The following TMEM132D variants were observed in gnomAD, a reference collection of about 807,000 sequenced individuals.
TMEM132D encodes the protein mature OL transmembrane protein.
Under a neutral mutation model 62.3 loss-of-function variants are expected in TMEM132D, and 21 were observed. The observed-to-expected ratio is 0.34, with a 90% CI of 0.24 to 0.49. The LOEUF is 0.49. Ranked by LOEUF, TMEM132D falls within the 20% of genes least tolerant of loss-of-function variation. The pLI is 0.99. For synonymous variants in TMEM132D, 621 were observed against 575.6 expected, an observed-to-expected ratio of 1.08 and a Z score of -1.13; for missense variants, 1,346 against 1,402.8, an observed-to-expected ratio of 0.96 and a Z score of 0.65.
chr12:129,248,207 G>T lies in TMEM132D; in HGVS notation c.1300-38544C>A, dbSNP rs1469939977. Among the ~76,000 whole-genome samples, 5 of 152,258 alleles carry T rather than the reference G, an allele frequency of 3.3e-5. No individual in the cohort carries two copies. In the East Asian group the frequency reaches 9.6e-4, roughly 29 times the overall value. On this transcript the variant is annotated intron_variant, in intron 4 of 8. Coordinates refer to ENST00000422113, the MANE Select transcript of TMEM132D (RefSeq NM_133448.3). ...ACGTTTGCTGAAGAAAATAGCGTTT[G>T]TTCACTTAATGCTGAAACCGTGTCA...
intron 4 of TMEM132D, among the ~76,000 whole-genome samples, chr12:129,282,455 C>A (rs1041916845): frequency 2.0e-5 from 3 of 152,188 alleles, no homozygotes; most frequent in East Asian, 1.9e-4. Flanking sequence ...GTCCTCACAT[C>A]TGTAGATGGC....
intron 3 of TMEM132D, among the ~76,000 whole-genome samples, chr12:129,377,272 T>C (rs778764033): frequency 2.0e-5 from 3 of 152,112 alleles, no homozygotes; most frequent in Non-Finnish European, 4.4e-5. Context: ...GATTTTGGCC[T>C]TCCAGCCTCC....
At chr12:129,408,004 C>T (rs1315307708) in intron 3 of TMEM132D, among the ~76,000 whole-genome samples, 3 of 152,112 alleles carry the variant, frequency 2.0e-5, no homozygotes, top group African/African-American at 7.2e-5. Context: ...CCACCTCCTT[C>T]TTACCCTGGG....
chr12:129,493,662 C>T (rs985797860), intron 3 of TMEM132D, among the ~76,000 whole-genome samples: 1 of 152,154 alleles, frequency 6.6e-6, no homozygotes, highest in African/African-American at 2.4e-5. Flanking sequence ...ATGTGCTAGG[C>T]TCTATTCTAA....
At chr12:129,820,590 C>T (rs1334840239) in intron 1 of TMEM132D, among the ~76,000 whole-genome samples, 1 of 152,186 alleles carries the variant, frequency 6.6e-6, no homozygotes, top group Non-Finnish European at 1.5e-5. Context: ...CTTATGTTTT[C>T]ATGCCCAAAA....
At chr12:129,773,047 A>G (rs1219625702) in intron 1 of TMEM132D, among the ~76,000 whole-genome samples, 1 of 152,218 alleles carries the variant, frequency 6.6e-6, no homozygotes, top group East Asian at 1.9e-4. Flanking sequence ...TTGTTAGAAC[A>G]AACAAGGGGG....
At chr12:129,302,407 G>A (rs891882835) in intron 4 of TMEM132D, among the ~76,000 whole-genome samples, 3 of 152,228 alleles carry the variant, frequency 2.0e-5, no homozygotes, top group Non-Finnish European at 4.4e-5. Flanking sequence ...GAGCCACCAC[G>A]CCCGGCCTCT....
chr12:129,074,361 A>G lies in TMEM132D; in HGVS notation c.2814T>C (p.Cys938=), dbSNP rs2135602749. 1 of 1,614,096 alleles carries G rather than the reference A, an allele frequency of 6.2e-7. No homozygotes were observed. Among genetic ancestry groups the G allele is most frequent in the South Asian group, 1.1e-5 (1 of 91,066 alleles). Residue 938 remains cysteine, a synonymous_variant, in exon 9 of 9, where the codon TGT becomes TGC. Coordinates refer to ENST00000422113, the MANE Select transcript of TMEM132D (RefSeq NM_133448.3). The part of the protein sequence containing the change: ...CLAILVFLIN[C]VTFALKYRHK... ...GTCTGTATTTTAATGCAAAGGTCAC[A>G]CAGTTTATCAAGAAGACCAAAATGG... is the stretch of plus-strand genomic sequence containing the variant.
intron 2 of TMEM132D, among the ~76,000 whole-genome samples, chr12:129,537,169 A>AAAAAC (rs1162021090): frequency 2.0e-5 from 3 of 151,842 alleles, no homozygotes; most frequent in African/African-American, 7.3e-5. Flanking sequence ...AAAAAAAAAA[A>AAAAAC]AAAAATTCAT....
rs1019494998 is a variant in TMEM132D, at chr12:129,513,883, G to C, written c.1115+17176C>G. On this transcript the variant is annotated intron_variant, in intron 3 of 8. Transcript: ENST00000422113. ...GACGGAGTCTCGCTCTGTCGCCCAG[G>C]CTGGAGTGCAGTGGCACGATCTCGG... Among the ~76,000 whole-genome samples, 6 of 148,184 alleles carry C rather than the reference G, an allele frequency of 4.0e-5. No individual in the cohort carries two copies. In the East Asian group the frequency reaches 6.1e-4, roughly 15 times the overall value.
intron 1 of TMEM132D, among the ~76,000 whole-genome samples, chr12:129,826,522 G>A (rs1872668224): frequency 6.6e-6 from 1 of 152,046 alleles, no homozygotes; most frequent in Non-Finnish European, 1.5e-5. Context: ...CTTGCTCCTG[G>A]GACACAAGAG....
At chr12:129,719,617 T>C (rs963925714) in intron 1 of TMEM132D, among the ~76,000 whole-genome samples, 3 of 152,208 alleles carry the variant, frequency 2.0e-5, no homozygotes, top group Non-Finnish European at 4.4e-5. Flanking sequence ...GGAAAACTCT[T>C]CTGTAAGTGC....
At chr12:129,608,770 C>T (rs1167339161) in intron 2 of TMEM132D, among the ~76,000 whole-genome samples, 1 of 152,106 alleles carries the variant, frequency 6.6e-6, no homozygotes, top group Non-Finnish European at 1.5e-5. Context: ...CTACAATTAC[C>T]AAACAAACCT....
intron 3 of TMEM132D, among the ~76,000 whole-genome samples, chr12:129,510,841 A>C (rs1235959070): frequency 6.6e-6 from 1 of 152,170 alleles, no homozygotes; most frequent in East Asian, 1.9e-4. Flanking sequence ...CACCATTGTC[A>C]AAAACGAGTT....
chr12:129,793,081 T>A (rs1871447933), intron 1 of TMEM132D, among the ~76,000 whole-genome samples: 1 of 151,826 alleles, frequency 6.6e-6, no homozygotes, highest in Admixed American at 6.6e-5. Context: ...TTCTTTTTTT[T>A]TTTTTTTAAA....
At chr12:129,361,967 C>A (rs371334590) in intron 3 of TMEM132D, among the ~76,000 whole-genome samples, 1 of 152,146 alleles carries the variant, frequency 6.6e-6, no homozygotes, top group East Asian at 1.9e-4. Context: ...CAAAATCAAT[C>A]AAAATTGAAG....
intron 1 of TMEM132D, among the ~76,000 whole-genome samples, chr12:129,833,013 A>G (rs1872890552): frequency 6.6e-6 from 1 of 152,116 alleles, no homozygotes; most frequent in Admixed American, 6.5e-5. Context: ...GGTTCTTCAC[A>G]CTGATGCCTC....
chr12:129,147,086 C>G (rs1379340610), intron 5 of TMEM132D, among the ~76,000 whole-genome samples: 1 of 151,994 alleles, frequency 6.6e-6, no homozygotes, highest in Non-Finnish European at 1.5e-5. Context: ...TACCTGGAGG[C>G]ACTTGACCCA....
chr12:129,785,670 A>G (rs1593160785), intron 1 of TMEM132D, among the ~76,000 whole-genome samples: 1 of 152,052 alleles, frequency 6.6e-6, no homozygotes, highest in African/African-American at 2.4e-5. Flanking sequence ...CCAGGAACCA[A>G]CCCTTCTGGT....
Sources: gnomAD v4.1 joint callset for allele counts (sites outside exome capture counted in the v4.1 genomes callset) on GRCh38, gnomAD v4.1.1 for gene constraint, MANE v1.5 for transcripts, NCBI Gene and HGNC (gene_info 2026-07-23, HGNC 2026-07-21) for gene names.